The following AASS variants were observed in gnomAD, a reference collection of about 807,000 sequenced individuals.
AASS encodes the protein aminoadipate-semialdehyde synthase, also known as alpha-aminoadipic semialdehyde synthase, mitochondrial.
Under a neutral mutation model 105.4 loss-of-function variants are expected in AASS, and 86 were observed. The ratio of observed to expected loss-of-function variants is 0.82; its 90% confidence interval spans 0.69 to 0.98. The LOEUF (loss-of-function observed/expected upper bound fraction) is 0.98, where lower values mean the gene tolerates loss of function less well. AASS is among the 50% of genes least tolerant of loss of function. The pLI is 0.00. For synonymous variants in AASS, 381 were observed against 394.8 expected, an observed-to-expected ratio of 0.96 and a Z score of 0.41; for missense variants, 1,048 against 1,143.2, an observed-to-expected ratio of 0.92 and a Z score of 1.20.
At chr7:122,081,356 G>C in intron 20 of AASS, 144 bp downstream of exon 20, 1 of 759,070 alleles carries the variant, frequency 1.3e-6, no homozygotes, top group Non-Finnish European at 2.4e-6. Context: ...TGAAGGGAAA[G>C]GGGGCTTTGG....
chr7:122,092,850 C>T lies in AASS; in HGVS notation c.1868G>A (p.Gly623Glu), dbSNP rs143296998. ...METIDKAKEV[G>E]ATIESYISYC... Reference sequence around the variant, plus strand: ...GGTACAAATTGGGCTCACCGTGGCTCCCACTTCCTTGGCTTTATCTATTGT... The same window carrying T: ...GGTACAAATTGGGCTCACCGTGGCTTCCACTTCCTTGGCTTTATCTATTGT... Residue 623 changes from glycine (G) to glutamate (E), a missense_variant, in exon 17 of 24, where the codon GGA becomes GAA. Physicochemically the swap from Gly to Glu is moderately conservative, Grantham distance 98. Coordinates refer to ENST00000417368, the MANE Select transcript of AASS (RefSeq NM_005763.4). 2 of 1,613,662 alleles carry T rather than the reference C, an allele frequency of 1.2e-6. No homozygotes were observed. Among genetic ancestry groups the T allele is most frequent in the African/African-American group, 1.3e-5 (1 of 74,906 alleles).
intron 19 of AASS, among the ~76,000 whole-genome samples, chr7:122,084,073 C>G (rs1326332205): frequency 6.6e-6 from 1 of 151,986 alleles, no homozygotes. Context: ...ATACTGAAAG[C>G]TATATATCCT....
rs1584888982 is a variant in AASS at position 122,126,372 on chromosome 7, T to C, written c.472+3A>G. Reference sequence around the variant, plus strand: ...TGGGTGATGTAAGCCCTGGCATACTTACCTGCCACACCAGCCCACTGTCCA... The same window carrying C: ...TGGGTGATGTAAGCCCTGGCATACTCACCTGCCACACCAGCCCACTGTCCA... On this transcript the variant is annotated splice_donor_region_variant and intron_variant, in intron 4 of 23. Transcript: ENST00000417368. 6.2e-7 allele frequency: 1 copy of C among 1,613,394 alleles called. No individual in the cohort carries two copies. The highest frequency in any genetic ancestry group is 8.5e-7 in the Non-Finnish European group (1 of 1,179,348).
At chr7:122,110,235 C>T (rs937072067) in intron 11 of AASS, among the ~76,000 whole-genome samples, 2 of 151,262 alleles carry the variant, frequency 1.3e-5, no homozygotes, top group Non-Finnish European at 3.0e-5. Flanking sequence ...TTGATCAAGT[C>T]CAGGTAAAAC....
chr7:122,082,651 TCAAA>T, intron 19 of AASS: 1 of 351,332 alleles, frequency 2.8e-6, no homozygotes, highest in Non-Finnish European at 5.4e-6. Flanking sequence ...GGCAGATAAG[TCAAA>T]CAAATAATGC....
At chr7:122,084,124 G>A (rs1464994198) in intron 19 of AASS, among the ~76,000 whole-genome samples, 1 of 151,816 alleles carries the variant, frequency 6.6e-6, no homozygotes, top group African/African-American at 2.4e-5. Flanking sequence ...CATATTCTTT[G>A]AACAAATTGA....
At position 122,074,092 on chromosome 7, in the gene AASS, AC is replaced by A. The variant is rs1792892403; in HGVS notation, c.*2396del. Reference sequence around the variant, plus strand: ...TTGTTTTTATATCACGTGGGTATCCACCAACAGTGCATGAGGGTTCCAATTT... The same window carrying A: ...TTGTTTTTATATCACGTGGGTATCCACAACAGTGCATGAGGGTTCCAATTT... On this transcript the variant is annotated 3_prime_UTR_variant, in exon 24 of 24. Coordinates refer to ENST00000417368, the MANE Select transcript of AASS (RefSeq NM_005763.4). Among the ~76,000 whole-genome samples, 2 of 152,066 alleles carry A rather than the reference AC, an allele frequency of 1.3e-5. No individual in the cohort carries two copies. Among genetic ancestry groups the A allele is most frequent in the Non-Finnish European group, 2.9e-5 (2 of 68,022 alleles).
In AASS at chr7:122,074,398, A is replaced by G. The variant is rs766156252; in HGVS notation, c.*2091T>C. 2.6e-5 allele frequency among the ~76,000 whole-genome samples: 4 copies of G among 152,140 alleles called. No individual in the cohort carries two copies. Among genetic ancestry groups the G allele is most frequent in the Non-Finnish European group, 5.9e-5 (4 of 68,004 alleles). On this transcript the variant is annotated 3_prime_UTR_variant, in exon 24 of 24. Transcript: ENST00000417368. ...TACAAATTCCTCCCTTAACTAATAC[A>G]TGATTTTAAAAAAAATTATCTCATT...
intron 18 of AASS, among the ~76,000 whole-genome samples, chr7:122,086,807 A>G (rs1793649650): frequency 6.6e-6 from 1 of 152,142 alleles, no homozygotes; most frequent in Non-Finnish European, 1.5e-5. Context: ...CTATGCATTG[A>G]AGATCGCACA....
intron 17 of AASS, among the ~76,000 whole-genome samples, chr7:122,092,623 C>T (rs1291180014): frequency 1.3e-5 from 2 of 151,816 alleles, no homozygotes; most frequent in African/African-American, 4.8e-5. Flanking sequence ...ACTTGGGAGG[C>T]TGAAGCAGGA....
chr7:122,099,655 CA>C (rs1179759602), intron 13 of AASS, among the ~76,000 whole-genome samples: 3 of 151,960 alleles, frequency 2.0e-5, no homozygotes, highest in South Asian at 2.1e-4. Context: ...TCCCTGTTAT[CA>C]ACATGAAACC....
intron 8 of AASS, among the ~76,000 whole-genome samples, chr7:122,115,962 A>G (rs1795150923): frequency 6.6e-6 from 1 of 152,206 alleles, no homozygotes; most frequent in Non-Finnish European, 1.5e-5. Context: ...TGTTGGTCAA[A>G]CATATTTAAA....
intron 2 of AASS, among the ~76,000 whole-genome samples, chr7:122,130,653 T>C (rs943955011): frequency 6.6e-6 from 1 of 151,904 alleles, no homozygotes; most frequent in African/African-American, 2.4e-5. Context: ...TAAAGAGGTA[T>C]AACCCAAGCA....
chr7:122,122,875 T>C (rs999666378), intron 4 of AASS, among the ~76,000 whole-genome samples: 1 of 152,190 alleles, frequency 6.6e-6, no homozygotes, highest in African/African-American at 2.4e-5. Flanking sequence ...ACTGAACATT[T>C]ATTATAGCTG....
intron 18 of AASS, among the ~76,000 whole-genome samples, chr7:122,088,689 A>G (rs540768421): frequency 1.3e-5 from 2 of 152,120 alleles, no homozygotes; most frequent in Non-Finnish European, 2.9e-5. Flanking sequence ...GTGGCAGGCA[A>G]TGGATAGAGG....
chr7:122,126,748 G>A (rs576662857), intron 3 of AASS, among the ~76,000 whole-genome samples: 1 of 151,968 alleles, frequency 6.6e-6, no homozygotes, highest in Admixed American at 6.6e-5. Context: ...TTTCTGCCCC[G>A]ACCCACCCAG....
At chr7:122,082,293 C>T (rs1793376352) in intron 19 of AASS, among the ~76,000 whole-genome samples, 1 of 152,168 alleles carries the variant, frequency 6.6e-6, no homozygotes, top group Admixed American at 6.5e-5. Context: ...CAGATCTCCA[C>T]TTTCACTATT....
chr7:122,083,875 A>G (rs528601643), intron 19 of AASS, among the ~76,000 whole-genome samples: 70 of 152,240 alleles, frequency 4.6e-4, no homozygotes, highest in Admixed American at 1.8e-3. Context: ...AAAGAATTTT[A>G]GGGTTACCAA....
At position 122,075,336 on chromosome 7, in the gene AASS, G is replaced by A. The variant is rs1230464184; in HGVS notation, c.*1153C>T. On this transcript the variant is annotated 3_prime_UTR_variant, in exon 24 of 24. Transcript: ENST00000417368. The stretch of plus-strand genomic sequence containing the variant: ...TTTGGATTTTCTATAGTTTTCCCTT[G>A]GATTACTATGCACAAAACCACCATA... Among the ~76,000 whole-genome samples the A allele has an allele frequency of 6.6e-6, 1 of 151,870 alleles. No individual in the cohort carries two copies. The highest frequency in any genetic ancestry group is 2.4e-5 in the African/African-American group (1 of 41,280).
Sources: allele counts gnomAD v4.1 joint callset (sites outside exome capture counted in the v4.1 genomes callset), GRCh38; gene constraint gnomAD v4.1.1; transcripts MANE v1.5; gene names NCBI Gene and HGNC (gene_info 2026-07-23, HGNC 2026-07-21).